Variants in NFATC1 observed in about 807,000 individuals in gnomAD.
The protein encoded by NFATC1 is nuclear factor of activated T-cells, cytoplasmic 1.
A neutral mutation model predicts 76.0 loss-of-function variants in NFATC1; 22 were observed. The observed-to-expected ratio is 0.29, with a 90% CI of 0.21 to 0.41. NFATC1 has a LOEUF of 0.41. NFATC1 is among the 10% of genes least tolerant of loss of function. The pLI is 1.00. For synonymous variants in NFATC1, 704 were observed against 613.1 expected (o/e 1.15, Z -2.19); for missense variants, 1,357 against 1,337.7 (o/e 1.01, Z -0.23).
chr18:79,516,845 C>T (rs1181886760), intron 9 of NFATC1, among the ~76,000 whole-genome samples: 1 of 152,160 alleles, frequency 6.6e-6, no homozygotes, highest in Non-Finnish European at 1.5e-5. Context: ...TAATTTGTGG[C>T]TTTAACCATA....
intron 2 of NFATC1, 151 bp from the exon 3 acceptor site, chr18:79,433,428 T>G: frequency 1.1e-6 from 1 of 915,508 alleles, no homozygotes; most frequent in South Asian, 1.5e-5. Flanking sequence ...GAGTAAGCAC[T>G]GCATTGACAC....
chr18:79,455,969 C>T (rs2087704585), intron 6 of NFATC1, among the ~76,000 whole-genome samples: 1 of 152,194 alleles, frequency 6.6e-6, no homozygotes, highest in African/African-American at 2.4e-5. Context: ...CAAATCTGGG[C>T]CAAATGTATG....
chr18:79,461,470 TTC>T (rs2088091484), intron 7 of NFATC1, 104 bp downstream of exon 7: 176 of 1,035,186 alleles, frequency 1.7e-4, no homozygotes, highest in Middle Eastern at 5.0e-4. Flanking sequence ...GAGGCTGGGG[TTC>T]CTGTTTCTTA....
At chr18:79,498,500 GAAGA>G (rs149832002) in intron 9 of NFATC1, among the ~76,000 whole-genome samples, 2,148 of 152,260 alleles carry the variant, frequency 0.014, 54 homozygotes, top group African/African-American at 0.048. Flanking sequence ...GGAACAGAAA[GAAGA>G]AAGAATCAAT....
rs933622629 is a variant in NFATC1, at chr18:79,465,787, T to C, written c.1960-1663T>C. Among the ~76,000 whole-genome samples the C allele has an allele frequency of 2.6e-5, 4 of 152,058 alleles. No homozygotes were observed. Among genetic ancestry groups the C allele is most frequent in the Non-Finnish European group, 5.9e-5 (4 of 68,040 alleles). On this transcript the variant is annotated intron_variant, in intron 7 of 9. Transcript: ENST00000427363. The surrounding 1 kb of genome is among the most constrained non-coding windows in gnomAD (Gnocchi z 4.2). ...CAGCCTTGGAGGAAGCGTCTCTTTA[T>C]CCCCCGTACAAATGCCGAGACAGGC...
intron 2 of NFATC1, among the ~76,000 whole-genome samples, chr18:79,432,806 C>T (rs575679688): frequency 2.6e-4 from 40 of 152,266 alleles, no homozygotes; most frequent in African/African-American, 8.4e-4. Flanking sequence ...GAAGACACGC[C>T]GAGGGCACGG....
At chr18:79,461,289 G>T in intron 6 of NFATC1, 22 bp from the exon 7 acceptor site, 1 of 1,613,956 alleles carries the variant, frequency 6.2e-7, no homozygotes, top group South Asian at 1.1e-5. Flanking sequence ...AGTCACAGAC[G>T]TTTCCTGCTC....
At position 79,458,740 on chromosome 18, in the gene NFATC1, C is replaced by T. The variant is rs528046954; in HGVS notation, c.1904-2571C>T. On this transcript the variant is annotated intron_variant, in intron 6 of 9. Coordinates refer to ENST00000427363, the MANE Select transcript of NFATC1 (RefSeq NM_001278669.2). ...GCTGAGTTTTGAACAGCACGGGGGC[C>T]GGCGCTGCCCGTCCGGGCCTCCACG... 2.0e-4 allele frequency among the ~76,000 whole-genome samples: 31 copies of T among 152,330 alleles called. No homozygotes were observed. In the South Asian group the frequency reaches 5.8e-3, roughly 28 times the overall value.
chr18:79,463,206 C>G lies in NFATC1; in HGVS notation c.1959+1840C>G, dbSNP rs539065672. The stretch of plus-strand genomic sequence containing the variant: ...TGGTGCTCAGGCCTCCCCTGAAGCT[C>G]CTGGCACTCACAGGGTTCCAGTTCA... On this transcript the variant is annotated intron_variant, in intron 7 of 9. Coordinates refer to ENST00000427363, the MANE Select transcript of NFATC1 (RefSeq NM_001278669.2). Among the ~76,000 whole-genome samples, 5 of 152,188 alleles carry G rather than the reference C, an allele frequency of 3.3e-5. No individual in the cohort carries two copies. In the South Asian group the frequency reaches 1.0e-3, roughly 32 times the overall value.
intron 7 of NFATC1, among the ~76,000 whole-genome samples, chr18:79,464,295 A>G (rs1397961378): frequency 6.6e-6 from 1 of 152,016 alleles, no homozygotes; most frequent in African/African-American, 2.4e-5. Context: ...GGATTTCACC[A>G]TGTTGTCCAG....
intron 3 of NFATC1, 149 bp downstream of exon 3, chr18:79,433,887 C>T: frequency 2.3e-6 from 2 of 884,196 alleles, no homozygotes; most frequent in South Asian, 4.0e-5. Context: ...CTCACCGCCT[C>T]TGAGCTGGAA....
intron 9 of NFATC1, among the ~76,000 whole-genome samples, chr18:79,493,190 C>T (rs967833067): frequency 1.3e-5 from 2 of 152,234 alleles, no homozygotes; most frequent in Non-Finnish European, 2.9e-5. Context: ...CCACGCATTC[C>T]GCATCGTGGA....
At chr18:79,426,760 C>T (rs2086350539) in intron 2 of NFATC1, among the ~76,000 whole-genome samples, 1 of 152,252 alleles carries the variant, frequency 6.6e-6, no homozygotes, top group Non-Finnish European at 1.5e-5. Flanking sequence ...AAACTTGATT[C>T]TGCAGCCACT....
At chr18:79,467,845 T>C (rs2088594675) in intron 8 of NFATC1, 2 of 1,181,274 alleles carry the variant, frequency 1.7e-6, no homozygotes, top group South Asian at 2.1e-5. Flanking sequence ...TTCTTGCGAA[T>C]GTATAACAGC....
chr18:79,476,065 C>T lies in NFATC1; in HGVS notation c.2092+8483C>T, dbSNP rs183936974. On this transcript the variant is annotated intron_variant, in intron 8 of 9. Coordinates refer to ENST00000427363, the MANE Select transcript of NFATC1 (RefSeq NM_001278669.2). ...GATGGGATGAGAGGGCGGGAAGGGG[C>T]TTGTTGAGAAATCTAAGGGCCACGG... 4.8e-3 allele frequency among the ~76,000 whole-genome samples: 733 copies of T among 151,708 alleles called. 26 individuals carry two copies. The highest frequency in any genetic ancestry group is 0.044 in the Admixed American group (668 of 15,308).
intron 1 of NFATC1, among the ~76,000 whole-genome samples, chr18:79,403,990 C>G (rs55665015): frequency 0.24 from 35,791 of 152,098 alleles, 7,043 homozygotes; most frequent in African/African-American, 0.53. Flanking sequence ...CATCCCCTGA[C>G]GTTCTAGAGG....
rs1327611638 is a variant in NFATC1, at chr18:79,524,900, C to T, written c.2783-2628C>T. On this transcript the variant is annotated intron_variant, in intron 9 of 9. Coordinates refer to ENST00000427363, the MANE Select transcript of NFATC1 (RefSeq NM_001278669.2). This position sits in a 1 kb window ranked among gnomAD's most constrained non-coding sequence, Gnocchi z 7.2. ...CCGCGGGGAACAAGACGGCTCTCGG[C>T]GGCCATGCAGGCGGCCTGTCCCACG... Among the ~76,000 whole-genome samples the T allele has an allele frequency of 6.6e-6, 1 of 152,004 alleles. No individual in the cohort carries two copies. The highest frequency in any genetic ancestry group is 2.4e-5 in the African/African-American group (1 of 41,368).
chr18:79,491,630 G>A (rs1167144646), intron 9 of NFATC1, among the ~76,000 whole-genome samples: 1 of 152,182 alleles, frequency 6.6e-6, no homozygotes, highest in Admixed American at 6.5e-5. Flanking sequence ...AAGCCCTGCC[G>A]GGTCCACTTT....
intron 6 of NFATC1, among the ~76,000 whole-genome samples, chr18:79,453,154 C>T (rs1230449220): frequency 6.6e-6 from 1 of 152,254 alleles, no homozygotes; most frequent in African/African-American, 2.4e-5. Flanking sequence ...TCAGAGCTTT[C>T]GGTGTGTGTC....
Sources: gnomAD v4.1 joint callset for allele counts (sites outside exome capture counted in the v4.1 genomes callset) on GRCh38, gnomAD v4.1.1 for gene constraint, Gnocchi (gnomAD v3.1) non-coding constraint, MANE v1.5 for transcripts, NCBI Gene and HGNC (gene_info 2026-07-23, HGNC 2026-07-21) for gene names.